Variants in CPAMD8 observed in about 807,000 individuals in gnomAD.
CPAMD8 encodes C3 and PZP like alpha-2-macroglobulin domain containing 8.
Under a neutral mutation model 224.7 loss-of-function variants are expected in CPAMD8, and 146 were observed. The observed-to-expected ratio is 0.65, with a 90% CI of 0.57 to 0.75. The LOEUF is 0.75. Ranked by LOEUF, CPAMD8 falls within the 30% of genes least tolerant of loss-of-function variation. The pLI, the probability that CPAMD8 is intolerant of heterozygous loss-of-function variation, is 0.00. For synonymous variants in CPAMD8, 966 were observed against 1,044.6 expected (o/e 0.92, Z 1.45); for missense variants, 2,301 against 2,537.5 (o/e 0.91, Z 2.00).
chr19:17,011,550 A>G (rs778370979), intron 4 of CPAMD8, 34 bp from the exon 5 acceptor site: 1 of 1,614,094 alleles, frequency 6.2e-7, no homozygotes, highest in Non-Finnish European at 8.5e-7. Context: ...TGACACCTCC[A>G]GACCATGGCC....
chr19:16,954,358 A>T (rs1422110358), intron 19 of CPAMD8, among the ~76,000 whole-genome samples: 1 of 151,806 alleles, frequency 6.6e-6, no homozygotes, highest in South Asian at 2.1e-4. Context: ...GAAAAGAAAG[A>T]AAAAGAGAAC....
chr19:16,936,077 G>A (rs762820445), intron 23 of CPAMD8, among the ~76,000 whole-genome samples: 11 of 151,964 alleles, frequency 7.2e-5, no homozygotes, highest in Non-Finnish European at 1.2e-4. Flanking sequence ...ACAGGCACAA[G>A]CCACCATGCC....
chr19:17,010,957 A>G (rs1206201546), intron 5 of CPAMD8, among the ~76,000 whole-genome samples: 1 of 152,018 alleles, frequency 6.6e-6, no homozygotes, highest in Admixed American at 6.6e-5. Flanking sequence ...CGGGAGGCAG[A>G]GGTCGCAGTG....
chr19:16,937,890 T>C (rs1313113887), intron 23 of CPAMD8, among the ~76,000 whole-genome samples: 3 of 152,162 alleles, frequency 2.0e-5, no homozygotes, highest in Non-Finnish European at 4.4e-5. Flanking sequence ...CCTAACCTTG[T>C]GATCCACCCG....
At chr19:16,996,797 C>A (rs948945419) in intron 11 of CPAMD8, among the ~76,000 whole-genome samples, 2 of 123,760 alleles carry the variant, frequency 1.6e-5, no homozygotes, top group Non-Finnish European at 3.2e-5. Flanking sequence ...CCAGCCTGGG[C>A]GATGGAGTGT....
chr19:17,008,778 AG>A, intron 6 of CPAMD8: 1 of 608,316 alleles, frequency 1.6e-6, no homozygotes, highest in Non-Finnish European at 2.9e-6. Context: ...TCATTTAGGG[AG>A]CCGTGTACAA....
chr19:17,001,446 T>G (rs1206462072), intron 9 of CPAMD8, among the ~76,000 whole-genome samples: 12 of 40,816 alleles, frequency 2.9e-4, no homozygotes, highest in South Asian at 7.0e-4. Flanking sequence ...GAGGGGAACA[T>G]GGTGGGGTTG....
rs751685639 is a variant in CPAMD8, at chr19:16,976,129, T to C, written c.1781A>G (p.Asn594Ser). ...GACAACCTCCCCAGGTTGGGTCTCA[T>C]TTGCTGAATACGTCACTGAAACCTT... Reference protein sequence around the residue: ...ENQVSVTYSANETQPGEVVDL... With the variant: ...ENQVSVTYSASETQPGEVVDL... Residue 594 changes from asparagine to serine, a missense_variant, in exon 16 of 42, where the codon AAT (asparagine) becomes AGT (serine). Physicochemically the swap from Asn to Ser is conservative, Grantham distance 46. Transcript: ENST00000443236. The C allele has an allele frequency of 1.2e-6, 2 of 1,612,022 alleles. No individual in the cohort carries two copies. Among genetic ancestry groups the C allele is most frequent in the Non-Finnish European group, 1.7e-6 (2 of 1,178,964 alleles).
chr19:16,988,475 T>C (rs2055822901), intron 13 of CPAMD8, among the ~76,000 whole-genome samples: 1 of 152,118 alleles, frequency 6.6e-6, no homozygotes, highest in Non-Finnish European at 1.5e-5. Context: ...CCAGGCATTG[T>C]GGTGGGCACC....
intron 11 of CPAMD8, 85 bp from the exon 12 acceptor site, chr19:16,993,671 G>T: frequency 8.0e-7 from 1 of 1,252,286 alleles, no homozygotes. Context: ...ATCCCCACTG[G>T]AATCCCAGCA....
chr19:16,932,936 T>A lies in CPAMD8; in HGVS notation c.2846-3696A>T, dbSNP rs988520772. Among the ~76,000 whole-genome samples, 11 of 152,356 alleles carry A rather than the reference T, an allele frequency of 7.2e-5. 2 individuals are homozygous for A. In the Middle Eastern group the frequency reaches 0.01, roughly 141 times the overall value. Reference sequence around the variant, plus strand: ...AGACAAAAATATCATTTTTTTCTTTTACTTTTTCTTTTCCCTTTTTTCCAG... The same window carrying A: ...AGACAAAAATATCATTTTTTTCTTTAACTTTTTCTTTTCCCTTTTTTCCAG... On this transcript the variant is annotated intron_variant, in intron 23 of 41. Transcript: ENST00000443236.
intron 18 of CPAMD8, among the ~76,000 whole-genome samples, chr19:16,970,238 C>CAAAAA (rs34399675): frequency 7.6e-5 from 7 of 92,628 alleles, no homozygotes; most frequent in East Asian, 3.2e-4. Context: ...GACTCTGTCT[C>CAAAAA]AAAAAAAAAA....
chr19:17,021,894 T>C, intron 2 of CPAMD8, 136 bp downstream of exon 2: 2 of 349,310 alleles, frequency 5.7e-6, no homozygotes, highest in Non-Finnish European at 1.1e-5. Flanking sequence ...CTTCCCTCCC[T>C]CCCTCCCATG....
At chr19:16,996,458 G>A (rs534522257) in intron 11 of CPAMD8, among the ~76,000 whole-genome samples, 4 of 152,264 alleles carry the variant, frequency 2.6e-5, no homozygotes, top group African/African-American at 9.6e-5. Flanking sequence ...GTCTGCACCT[G>A]TCAGTCTCAG....
chr19:16,949,170 C>G (rs934985532), intron 20 of CPAMD8, among the ~76,000 whole-genome samples: 1 of 151,998 alleles, frequency 6.6e-6, no homozygotes. Flanking sequence ...ACTGGAGGGT[C>G]TGAATGGGTA....
chr19:16,913,143 C>T (rs568216740), intron 29 of CPAMD8, among the ~76,000 whole-genome samples: 21 of 152,228 alleles, frequency 1.4e-4, no homozygotes, highest in Non-Finnish European at 2.5e-4. Flanking sequence ...GGGCCAAGGG[C>T]TCTGGCAGGG....
chr19:17,017,941 G>A (rs2056854795), intron 3 of CPAMD8, among the ~76,000 whole-genome samples: 3 of 151,834 alleles, frequency 2.0e-5, no homozygotes, highest in South Asian at 2.1e-4. Flanking sequence ...GCTGAGGCAG[G>A]AGAATCACTT....
intron 12 of CPAMD8, among the ~76,000 whole-genome samples, chr19:16,991,514 G>A (rs2055948254): frequency 6.6e-6 from 1 of 152,062 alleles, no homozygotes; most frequent in African/African-American, 2.4e-5. Flanking sequence ...CAGATCTCTG[G>A]TTCCTCAAGG....
At chr19:16,920,014 C>G (rs1289071642) in intron 27 of CPAMD8, among the ~76,000 whole-genome samples, 1 of 152,184 alleles carries the variant, frequency 6.6e-6, no homozygotes, top group South Asian at 2.1e-4. Context: ...TCACATGAGA[C>G]AGAGCTGAGG....
Sources: gnomAD v4.1 joint callset for allele counts (sites outside exome capture counted in the v4.1 genomes callset) on GRCh38, gnomAD v4.1.1 for gene constraint, MANE v1.5 for transcripts, NCBI Gene and HGNC (gene_info 2026-07-23, HGNC 2026-07-21) for gene names.